Variants in KIF24 observed in about 807,000 individuals in gnomAD.
KIF24 encodes kinesin-like protein KIF24.
KIF24 carries 81 observed loss-of-function variants against 118.9 expected under a neutral mutation model. That is an observed-to-expected ratio of 0.68 (90% CI 0.57 to 0.82). The LOEUF (loss-of-function observed/expected upper bound fraction) is 0.82, where lower values mean the gene tolerates loss of function less well. KIF24 is among the 40% of genes least tolerant of loss of function. The pLI, the probability that KIF24 is intolerant of heterozygous loss-of-function variation, is 0.00. For missense variants in KIF24, 1,560 were observed against 1,661.6 expected (o/e 0.94, Z 1.06); for synonymous variants, 599 against 610.0 (o/e 0.98, Z 0.27).
intron 1 of KIF24, among the ~76,000 whole-genome samples, chr9:34,321,326 CTCAG>C (rs1201061265): frequency 6.6e-6 from 1 of 151,806 alleles, no homozygotes; most frequent in African/African-American, 2.4e-5. Context: ...AAACCGAGGA[CTCAG>C]TCAGTCTCTG....
At chr9:34,321,914 AT>A (rs1466363926) in intron 1 of KIF24, among the ~76,000 whole-genome samples, 1 of 151,880 alleles carries the variant, frequency 6.6e-6, no homozygotes, top group Admixed American at 6.6e-5. Context: ...CCTACATTAT[AT>A]TTTTGTAAGA....
chr9:34,317,159 G>A (rs915134310), intron 1 of KIF24, among the ~76,000 whole-genome samples: 8 of 151,724 alleles, frequency 5.3e-5, no homozygotes, highest in South Asian at 2.1e-4. Flanking sequence ...TGGAGGTTGC[G>A]GTGAGCTGAG....
intron 8 of KIF24, among the ~76,000 whole-genome samples, 199 bp from the exon 9 acceptor site, chr9:34,263,371 T>C (rs953774398): frequency 6.6e-6 from 1 of 152,198 alleles, no homozygotes; most frequent in Admixed American, 6.5e-5. Context: ...CTGTGCTGCC[T>C]AGCTGAAGGC....
At chr9:34,310,661 G>T in intron 2 of KIF24, 63 bp downstream of exon 2, 1 of 1,223,386 alleles carries the variant, frequency 8.2e-7, no homozygotes, top group African/African-American at 1.5e-5. Flanking sequence ...TGGACATGAA[G>T]GAGAGGCCTG....
At position 34,256,511 on chromosome 9, in the gene KIF24, C is replaced by G; in HGVS notation, c.3096G>C (p.Glu1032Asp). The G allele has an allele frequency of 1.9e-6, 3 of 1,613,912 alleles. No individual in the cohort carries two copies. Among genetic ancestry groups the G allele is most frequent in the Non-Finnish European group, 2.5e-6 (3 of 1,179,836 alleles). Residue 1032 changes from glutamate to aspartate, a missense_variant, in exon 11 of 13, where the codon GAG becomes GAC. This residue lies in a region of KIF24 where 591 missense variants were observed against 655.6 expected (regional missense o/e 0.90). Transcript: ENST00000402558. ...GCGTGCCTAACTGCCCCCTAGGATC[C>G]TCTCCTGGGACAGCATGACCGTTTT... is the stretch of plus-strand genomic sequence containing the variant. ...TVKNGHAVPG[E>D]DPRGQLGTHA...
At chr9:34,262,546 C>T (rs912629859) in intron 9 of KIF24, among the ~76,000 whole-genome samples, 1 of 145,536 alleles carries the variant, frequency 6.9e-6, no homozygotes, top group Non-Finnish European at 1.5e-5. Flanking sequence ...GTGGCTTATG[C>T]CTGTAATCCC....
At chr9:34,329,671 T>G (rs1378718082), upstream of KIF24, 3 of 152,552 alleles carry the variant, frequency 2.0e-5, no homozygotes, top group Admixed American at 6.5e-5. Flanking sequence ...GATGGGAATC[T>G]GCCTCTGGCA....
In KIF24 at chr9:34,255,791, G is replaced by A. The variant is rs1457976956; in HGVS notation, c.3816C>T (p.Pro1272=). ...CLARPSSPLV[P]SCSPKTAGTL... is the part of the protein sequence containing the mutation. Reference sequence around the variant, plus strand: ...TCCCTGCAGTCTTGGGAGAGCAGCTGGGAACCAAGGGAGAACTTGGCCTTG... The same window carrying A: ...TCCCTGCAGTCTTGGGAGAGCAGCTAGGAACCAAGGGAGAACTTGGCCTTG... The change falls in exon 11 of 13, where the codon CCC becomes CCT. Residue 1272 remains proline, a synonymous_variant. Transcript: ENST00000402558. 6.2e-7 allele frequency: 1 copy of A among 1,613,886 alleles called. No individual in the cohort carries two copies. The highest frequency in any genetic ancestry group is 1.3e-5 in the African/African-American group (1 of 75,052).
At chr9:34,305,130 G>T (rs953159843) in intron 3 of KIF24, among the ~76,000 whole-genome samples, 1 of 152,126 alleles carries the variant, frequency 6.6e-6, no homozygotes, top group Non-Finnish European at 1.5e-5. Flanking sequence ...TTCCCTATGA[G>T]ACTAAAGAAT....
In KIF24 at chr9:34,263,042, A is replaced by G. The variant is rs569177235; in HGVS notation, c.1515+59T>C. On this transcript the variant is annotated intron_variant, in intron 9 of 12. Coordinates refer to ENST00000402558, the MANE Select transcript of KIF24 (RefSeq NM_194313.4). ...GATGCTCGACTGAATGAACAAATACATGAAATAAGGAAGAAAGGAATGAAT... is the reference window on the plus strand; with the variant it reads ...GATGCTCGACTGAATGAACAAATACGTGAAATAAGGAAGAAAGGAATGAAT... The G allele has an allele frequency of 6.7e-5, 87 of 1,306,982 alleles. No homozygotes were observed. In the East Asian group the frequency reaches 1.9e-3, roughly 29 times the overall value. The allele number at this position is 1,306,982 out of a possible 1,614,324, so 81.0% of individuals were successfully genotyped here. A position where few individuals can be genotyped will look rare whatever the true frequency, so the allele number is the denominator to read the frequency against.
intron 1 of KIF24, among the ~76,000 whole-genome samples, chr9:34,317,297 G>A (rs1837360580): frequency 6.6e-6 from 1 of 151,990 alleles, no homozygotes; most frequent in African/African-American, 2.4e-5. Context: ...GGCTGAGGTA[G>A]GAGAATCACT....
chr9:34,319,628 G>T, intron 1 of KIF24: 1 of 887,858 alleles, frequency 1.1e-6, no homozygotes, highest in Non-Finnish European at 1.9e-6. Context: ...TCCGGCCTAA[G>T]GTTGACAAGA....
chr9:34,277,590 G>C (rs1835703471), intron 6 of KIF24, among the ~76,000 whole-genome samples: 1 of 152,180 alleles, frequency 6.6e-6, no homozygotes, highest in African/African-American at 2.4e-5. Flanking sequence ...GGTTTTCACT[G>C]CATCTTGTAC....
At chr9:34,295,691 A>G (rs1409674486) in intron 4 of KIF24, among the ~76,000 whole-genome samples, 1 of 151,814 alleles carries the variant, frequency 6.6e-6, no homozygotes, top group African/African-American at 2.4e-5. Context: ...AATATAAAAT[A>G]AAATAAAATA....
chr9:34,314,154 TTTG>T (rs968418625), intron 1 of KIF24, among the ~76,000 whole-genome samples: 4 of 151,810 alleles, frequency 2.6e-5, no homozygotes, highest in Non-Finnish European at 4.4e-5. Context: ...CTTGGGTTTT[TTTG>T]TTGTTGTTGT....
At chr9:34,328,428 CCA>C (rs2131844367) in intron 1 of KIF24, among the ~76,000 whole-genome samples, 1 of 152,202 alleles carries the variant, frequency 6.6e-6, no homozygotes, top group East Asian at 1.9e-4. Context: ...AGGCTAAAAG[CCA>C]CAGATGCAGG....
At position 34,271,882 on chromosome 9, in the gene KIF24, T is replaced by C. The variant is rs747497908; in HGVS notation, c.1264A>G (p.Asn422Asp). The C allele has an allele frequency of 3.3e-5, 53 of 1,609,228 alleles. No homozygotes were observed. Among genetic ancestry groups the C allele is most frequent in the Non-Finnish European group, 4.4e-5 (52 of 1,177,586 alleles). Residue 422 changes from asparagine to aspartate, a missense_variant, in exon 7 of 13, where the codon AAT becomes GAT. By Grantham distance (23) the Asn-to-Asp change is conservative. Around this residue, in one of 3 missense-constraint regions of KIF24, gnomAD observed 964 missense variants for 988.0 expected, o/e 0.98. Transcript: ENST00000402558. ...GCATGGGAGCGGGAGGAGTCTGCAT[T>C]AACTCCAGTGGCCCCAGTGCTGCGC... ...KERSTGATGV[N>D]ADSSRSHAVI...
chr9:34,279,326 G>A (rs1343801863), intron 6 of KIF24, among the ~76,000 whole-genome samples: 1 of 152,158 alleles, frequency 6.6e-6, no homozygotes, highest in Non-Finnish European at 1.5e-5. Flanking sequence ...ACTGTAACTG[G>A]CTGCCCATTA....
At chr9:34,321,932 T>A (rs1195379886) in intron 1 of KIF24, among the ~76,000 whole-genome samples, 3 of 152,074 alleles carry the variant, frequency 2.0e-5, no homozygotes, top group Non-Finnish European at 2.9e-5. Context: ...AAGATTTTTT[T>A]AAAAGGAGTC....
Sources: allele counts gnomAD v4.1 joint callset (sites outside exome capture counted in the v4.1 genomes callset), GRCh38; gene constraint gnomAD v4.1.1; regional missense constraint gnomAD v4.1.1; transcripts MANE v1.5; gene names NCBI Gene and HGNC (gene_info 2026-07-23, HGNC 2026-07-21).